PDE3A: variants seen among roughly 807,000 people sequenced by gnomAD.
PDE3A encodes the protein phosphodiesterase 3A.
Under a neutral mutation model 98.3 loss-of-function variants are expected in PDE3A, and 43 were observed. That is an observed-to-expected ratio of 0.44 (90% CI 0.34 to 0.56). The LOEUF is 0.56. Ranked by LOEUF, PDE3A falls within the 20% of genes least tolerant of loss-of-function variation. The probability of loss-of-function intolerance (pLI) is 0.01; values close to 1 mark genes in which losing one functional copy is unlikely to be tolerated. For missense variants in PDE3A, 1,427 were observed against 1,440.7 expected (o/e 0.99, Z 0.15); for synonymous variants, 663 against 567.9 (o/e 1.17, Z -2.38).
intron 1 of PDE3A, among the ~76,000 whole-genome samples, chr12:20,550,453 A>C (rs545166247): frequency 6.6e-6 from 1 of 152,256 alleles, no homozygotes; most frequent in East Asian, 1.9e-4. Context: ...TGAACAACTA[A>C]TGTTTCTAAA....
chr12:20,426,282 A>T (rs547219272), intron 1 of PDE3A, among the ~76,000 whole-genome samples: 1 of 152,300 alleles, frequency 6.6e-6, no homozygotes, highest in African/African-American at 2.4e-5. Flanking sequence ...TGAATATGAA[A>T]ATTTTCAGTT....
intron 15 of PDE3A, among the ~76,000 whole-genome samples, chr12:20,676,030 A>G (rs1398347400): frequency 1.3e-5 from 2 of 152,154 alleles, no homozygotes; most frequent in East Asian, 1.9e-4. Context: ...TAATTGATTT[A>G]TAATTGTTAT....
intron 1 of PDE3A, among the ~76,000 whole-genome samples, chr12:20,499,563 CA>C (rs1945983819): frequency 6.6e-6 from 1 of 152,078 alleles, no homozygotes; most frequent in Non-Finnish European, 1.5e-5. Flanking sequence ...ACATTTTAAA[CA>C]AACCTTTCTT....
chr12:20,613,670 C>G lies in PDE3A; in HGVS notation c.1239C>G (p.Ser413Arg). The G allele has an allele frequency of 3.1e-6, 5 of 1,613,756 alleles. No homozygotes were observed. The highest frequency in any genetic ancestry group is 3.4e-6 in the Non-Finnish European group (4 of 1,179,648). Reference sequence around the variant, plus strand: ...ATACCTGTTCTGACTCTGAAGAGAGCTCTGAAAAAGACAAGCTTGCTATTC... The same window carrying G: ...ATACCTGTTCTGACTCTGAAGAGAGGTCTGAAAAAGACAAGCTTGCTATTC... ...ENYTCSDSEE[S>R]SEKDKLAIPK... is the part of the protein sequence containing the mutation. Residue 413 changes from serine (S) to arginine (R), a missense_variant, in exon 3 of 16, where the codon AGC (serine) becomes AGG (arginine). By Grantham distance (110) the Ser-to-Arg change is moderately radical. Transcript: ENST00000359062.
chr12:20,463,744 A>T (rs1162210645), intron 1 of PDE3A, among the ~76,000 whole-genome samples: 2 of 152,204 alleles, frequency 1.3e-5, no homozygotes, highest in Non-Finnish European at 2.9e-5. Context: ...AGTAGTATGT[A>T]CCTGCTGAGG....
chr12:20,612,712 T>C (rs575101096), intron 2 of PDE3A, among the ~76,000 whole-genome samples: 3 of 147,870 alleles, frequency 2.0e-5, no homozygotes, highest in Admixed American at 6.8e-5. Flanking sequence ...GTTACTTATA[T>C]AAGTAATAAA....
At chr12:20,386,583 CA>C (rs1164626782) in intron 1 of PDE3A, among the ~76,000 whole-genome samples, 1 of 151,816 alleles carries the variant, frequency 6.6e-6, no homozygotes, top group Non-Finnish European at 1.5e-5. Context: ...TCAAGTGATC[CA>C]CCTGCCTTGG....
At position 20,414,031 on chromosome 12, in the gene PDE3A, A is replaced by G. The variant is rs141191823; in HGVS notation, c.960+43787A>G. Reference sequence around the variant, plus strand: ...GAGTAGTTCTGTGAAAGGTGATGATAGATAACAGAATGTGATTCCTGAGAT... The same window carrying G: ...GAGTAGTTCTGTGAAAGGTGATGATGGATAACAGAATGTGATTCCTGAGAT... On this transcript the variant is annotated intron_variant, in intron 1 of 15. Transcript: ENST00000359062. 3.2e-3 allele frequency among the ~76,000 whole-genome samples: 483 copies of G among 152,334 alleles called. 1 individual carries two copies. The highest frequency in any genetic ancestry group is 0.011 in the African/African-American group (455 of 41,582).
At chr12:20,509,237 C>T (rs1055542333) in intron 1 of PDE3A, among the ~76,000 whole-genome samples, 1 of 152,056 alleles carries the variant, frequency 6.6e-6, no homozygotes, top group East Asian at 1.9e-4. Flanking sequence ...ACATCTGTGT[C>T]CACAGCTGCT....
chr12:20,474,939 C>T (rs921958076), intron 1 of PDE3A, among the ~76,000 whole-genome samples: 1 of 152,012 alleles, frequency 6.6e-6, no homozygotes, highest in African/African-American at 2.4e-5. Flanking sequence ...ATTATTCATC[C>T]TAACATAGAA....
At chr12:20,609,289 T>A (rs1297427231) in intron 2 of PDE3A, among the ~76,000 whole-genome samples, 1 of 151,742 alleles carries the variant, frequency 6.6e-6, no homozygotes, top group African/African-American at 2.4e-5. Flanking sequence ...AGTCCCTAGC[T>A]GAAAAAGAAT....
At chr12:20,624,061 C>T (rs536714976) in intron 5 of PDE3A, among the ~76,000 whole-genome samples, 1 of 151,906 alleles carries the variant, frequency 6.6e-6, no homozygotes, top group South Asian at 2.1e-4. Context: ...CCATGTGTAG[C>T]TCAAAAAGGG....
chr12:20,378,904 G>C (rs1424395280), intron 1 of PDE3A, among the ~76,000 whole-genome samples: 2 of 151,410 alleles, frequency 1.3e-5, no homozygotes, highest in African/African-American at 4.8e-5. Context: ...ACCTAATAGA[G>C]TCTTCTCCCT....
At chr12:20,452,795 C>T (rs1945089297) in intron 1 of PDE3A, among the ~76,000 whole-genome samples, 1 of 152,156 alleles carries the variant, frequency 6.6e-6, no homozygotes, top group South Asian at 2.1e-4. Flanking sequence ...ACAGCAAACA[C>T]ATGGAAGGGA....
intron 1 of PDE3A, among the ~76,000 whole-genome samples, chr12:20,467,025 T>A (rs1225180428): frequency 6.6e-6 from 1 of 152,176 alleles, no homozygotes; most frequent in Non-Finnish European, 1.5e-5. Flanking sequence ...TTTTTCTCAT[T>A]GTTGGGTGGG....
chr12:20,508,019 C>T (rs1396684423), intron 1 of PDE3A, among the ~76,000 whole-genome samples: 1 of 152,090 alleles, frequency 6.6e-6, no homozygotes, highest in East Asian at 1.9e-4. Flanking sequence ...GCCTACATGG[C>T]CTGTGCAATT....
At chr12:20,499,581 C>A (rs1182372138) in intron 1 of PDE3A, among the ~76,000 whole-genome samples, 1 of 152,020 alleles carries the variant, frequency 6.6e-6, no homozygotes, top group Non-Finnish European at 1.5e-5. Context: ...TCTTATTAAC[C>A]TTGTTCAAGT....
intron 1 of PDE3A, among the ~76,000 whole-genome samples, chr12:20,403,817 G>A (rs1944178131): frequency 6.6e-6 from 1 of 151,786 alleles, no homozygotes; most frequent in African/African-American, 2.4e-5. Context: ...TTTTTATTTA[G>A]GTTTTTCTGG....
intron 1 of PDE3A, among the ~76,000 whole-genome samples, chr12:20,386,119 AT>A (rs1355421965): frequency 1.1e-3 from 71 of 66,070 alleles, no homozygotes; most frequent in African/African-American, 3.5e-3. Context: ...ATAAATATAT[AT>A]AAATATATAT....
Sources: allele counts gnomAD v4.1 joint callset (sites outside exome capture counted in the v4.1 genomes callset), GRCh38; gene constraint gnomAD v4.1.1; transcripts MANE v1.5; gene names NCBI Gene and HGNC (gene_info 2026-07-23, HGNC 2026-07-21).